Variants in MAL observed in about 807,000 individuals in gnomAD.
The protein encoded by MAL is myelin and lymphocyte protein.
Under a neutral mutation model 16.7 loss-of-function variants are expected in MAL, and 5 were observed. The ratio of observed to expected loss-of-function variants is 0.30; its 90% CI spans 0.16 to 0.63. The LOEUF is 0.63. Among genes scored for constraint, MAL ranks in the 30% least tolerant of loss-of-function variants. The probability of loss-of-function intolerance (pLI) is 0.82; values close to 1 mark genes in which losing one functional copy is unlikely to be tolerated. For synonymous variants in MAL, 96 were observed against 85.5 expected (o/e 1.12, Z -0.67); for missense variants, 202 against 195.8 (o/e 1.03, Z -0.19).
chr2:95,027,371 G>C (rs1205861069), intron 1 of MAL, among the ~76,000 whole-genome samples: 1 of 152,186 alleles, frequency 6.6e-6, no homozygotes, highest in Non-Finnish European at 1.5e-5. Flanking sequence ...TGGCCTGCCG[G>C]TAGCGGGGCT....
intron 1 of MAL, chr2:95,026,242 C>T (rs972440563): frequency 9.6e-6 from 2 of 208,734 alleles, no homozygotes; most frequent in African/African-American, 4.6e-5. Flanking sequence ...TCCCGCCGCG[C>T]TTTGCGCGGT....
rs531084769 is a variant in MAL at position 95,033,214 on chromosome 2, C to T, written c.93+7329C>T. ...GGCCACGGGGAAGGACAGAAGATGACGTTCCCTGACCTGTCAGTGGAGTGG... is the reference window on the plus strand; with the variant it reads ...GGCCACGGGGAAGGACAGAAGATGATGTTCCCTGACCTGTCAGTGGAGTGG... On this transcript the variant is annotated intron_variant, in intron 1 of 3. Coordinates refer to ENST00000309988, the MANE Select transcript of MAL (RefSeq NM_002371.4). Among the ~76,000 whole-genome samples the T allele has an allele frequency of 5.3e-5, 8 of 152,326 alleles. No homozygotes were observed. In the South Asian group the frequency reaches 8.3e-4, roughly 16 times the overall value.
rs1674141643 is a variant in MAL, at chr2:95,033,742, C to T, written c.93+7857C>T. On this transcript the variant is annotated intron_variant, in intron 1 of 3. Transcript: ENST00000309988. ...GTAGTGAGCTGTGATCGCATCACTG[C>T]CCTCCAGTGTGGGTGACAGAGTGAG... Among the ~76,000 whole-genome samples the T allele has an allele frequency of 2.0e-5, 3 of 152,114 alleles. No individual in the cohort carries two copies. In the South Asian group the frequency reaches 6.2e-4, roughly 32 times the overall value.
At chr2:95,034,034 G>A (rs1264633873) in intron 1 of MAL, among the ~76,000 whole-genome samples, 1 of 152,230 alleles carries the variant, frequency 6.6e-6, no homozygotes, top group Admixed American at 6.5e-5. Context: ...TTAAGCATCT[G>A]CTCTGAAACC....
intron 1 of MAL, among the ~76,000 whole-genome samples, chr2:95,047,561 A>G (rs900739024): frequency 6.6e-6 from 1 of 152,150 alleles, no homozygotes; most frequent in Non-Finnish European, 1.5e-5. Flanking sequence ...TCTCTACCAA[A>G]AATAGAAAAA....
chr2:95,038,484 GTGAGTGAGTGAGTGAC>G, intron 1 of MAL, among the ~76,000 whole-genome samples: 1 of 150,110 alleles, frequency 6.7e-6, no homozygotes, highest in Admixed American at 6.6e-5. Context: ...GAGTGACTGA[GTGAGTGAGTGAGTGAC>G]TGAGTGAGTG....
chr2:95,053,722 AG>A lies in MAL; in HGVS notation c.*271del, dbSNP rs1674772820. 6.7e-6 allele frequency: 3 copies of A among 445,596 alleles called. No individual in the cohort carries two copies. Among genetic ancestry groups the A allele is most frequent in the South Asian group, 7.8e-5 (2 of 25,660 alleles). 27.6% of individuals were successfully genotyped at this position (445,596 alleles called of 1,614,324 possible). ...GCTAGGGTCACCTCCTGTTTGTGAAAGGGGACCTTCTTGTTCGGGGGTGGGA... is the reference window on the plus strand; with the variant it reads ...GCTAGGGTCACCTCCTGTTTGTGAAAGGGACCTTCTTGTTCGGGGGTGGGA... On this transcript the variant is annotated 3_prime_UTR_variant, in exon 4 of 4. Coordinates refer to ENST00000309988, the MANE Select transcript of MAL (RefSeq NM_002371.4).
chr2:95,038,528 C>CTGAG (rs1218502445), intron 1 of MAL, among the ~76,000 whole-genome samples: 1 of 61,698 alleles, frequency 1.6e-5, no homozygotes, highest in African/African-American at 6.6e-5. Flanking sequence ...GAGTGAGTGA[C>CTGAG]TGAGTGAGTG....
At chr2:95,032,797 G>T (rs1404731738) in intron 1 of MAL, among the ~76,000 whole-genome samples, 1 of 152,206 alleles carries the variant, frequency 6.6e-6, no homozygotes, top group African/African-American at 2.4e-5. Flanking sequence ...CCTTCTTGGG[G>T]TCATGAACGT....
intron 1 of MAL, among the ~76,000 whole-genome samples, chr2:95,043,969 C>G (rs1332930657): frequency 1.3e-5 from 2 of 152,192 alleles, no homozygotes; most frequent in African/African-American, 4.8e-5. Flanking sequence ...AAGAGCGTCC[C>G]TAGGAACGTG....
At chr2:95,030,234 G>A (rs1328782353) in intron 1 of MAL, among the ~76,000 whole-genome samples, 1 of 152,236 alleles carries the variant, frequency 6.6e-6, no homozygotes, top group Non-Finnish European at 1.5e-5. Flanking sequence ...ACTAGGAAGT[G>A]AGACTGCCTT....
intron 1 of MAL, among the ~76,000 whole-genome samples, chr2:95,031,668 C>T (rs1674085897): frequency 6.6e-6 from 1 of 152,228 alleles, no homozygotes; most frequent in African/African-American, 2.4e-5. Flanking sequence ...GCCTCTCCTA[C>T]AGGCACCAGG....
rs1674758721 is a variant in MAL, at chr2:95,053,303, T to C, written c.388-78T>C. On this transcript the variant is annotated intron_variant, in intron 3 of 3. Coordinates refer to ENST00000309988, the MANE Select transcript of MAL (RefSeq NM_002371.4). ...TGGGTCTGGCCCCCCCTACGCCACG[T>C]GGGGCTGGATGCAGTGCAGACGCTG... 8.1e-6 allele frequency: 8 copies of C among 988,088 alleles called. No individual in the cohort carries two copies. In the South Asian group the frequency reaches 9.0e-5, roughly 11 times the overall value. The allele number at this position is 988,088 out of a possible 1,614,324, so 61.2% of individuals were successfully genotyped here.
intron 1 of MAL, chr2:95,026,210 A>C: frequency 2.3e-4 from 45 of 197,042 alleles, no homozygotes; most frequent in Non-Finnish European, 3.3e-4. Flanking sequence ...GGCCCACTTG[A>C]CGCGCGCAGC....
intron 1 of MAL, among the ~76,000 whole-genome samples, chr2:95,032,669 G>C (rs1022129635): frequency 2.4e-4 from 37 of 152,290 alleles, no homozygotes; most frequent in Admixed American, 6.5e-4. Context: ...ATGGAGCATG[G>C]AGCAGGTCCC....
At chr2:95,028,000 G>A (rs990948617) in intron 1 of MAL, among the ~76,000 whole-genome samples, 12 of 152,052 alleles carry the variant, frequency 7.9e-5, no homozygotes, top group Non-Finnish European at 1.6e-4. Context: ...CAGGCATTAG[G>A]AAAACTAAAT....
intron 2 of MAL, 129 bp downstream of exon 2, chr2:95,048,255 G>T (rs775639699): frequency 1.5e-5 from 15 of 1,022,432 alleles, no homozygotes; most frequent in Non-Finnish European, 2.0e-5. Context: ...CATGTTCCAA[G>T]GCTGAGCCTG....
At chr2:95,050,011 A>C (rs1674683553) in intron 3 of MAL, among the ~76,000 whole-genome samples, 1 of 152,188 alleles carries the variant, frequency 6.6e-6, no homozygotes, top group Non-Finnish European at 1.5e-5. Context: ...GAACAATCTT[A>C]TTTAACATCC....
At chr2:95,042,232 A>C (rs1674484386) in intron 1 of MAL, among the ~76,000 whole-genome samples, 1 of 152,232 alleles carries the variant, frequency 6.6e-6, no homozygotes, top group Non-Finnish European at 1.5e-5. Flanking sequence ...GCTGGAAGGC[A>C]GGCAGGGCCT....
Sources: allele counts gnomAD v4.1 joint callset (sites outside exome capture counted in the v4.1 genomes callset), GRCh38; gene constraint gnomAD v4.1.1; transcripts MANE v1.5; gene names NCBI Gene and HGNC (gene_info 2026-07-23, HGNC 2026-07-21).